ELK3: variants seen among roughly 807,000 people sequenced by gnomAD.
ELK3 encodes the protein ETS transcription factor ELK3, also known as ETS domain-containing protein Elk-3.
Under a neutral mutation model 28.9 loss-of-function variants are expected in ELK3, and 10 were observed. The observed-to-expected ratio is 0.35, with a 90% CI of 0.21 to 0.59. ELK3 has a LOEUF of 0.59. Among genes scored for constraint, ELK3 ranks in the 20% least tolerant of loss-of-function variants. ELK3 has a pLI of 0.82. For synonymous variants in ELK3, 272 were observed against 243.5 expected (o/e 1.12, Z -1.09); for missense variants, 463 against 517.3 (o/e 0.90, Z 1.02).
rs1951565149 is a variant in ELK3, at chr12:96,209,930, T to TC, written c.-2-13633dup. Among the ~76,000 whole-genome samples the TC allele has an allele frequency of 5.3e-5, 8 of 152,122 alleles. No homozygotes were observed. The South Asian group carries it at 1.7e-3, about 32-fold the overall frequency. On this transcript the variant is annotated intron_variant, in intron 1 of 4. Coordinates refer to ENST00000228741, the MANE Select transcript of ELK3 (RefSeq NM_005230.4). Reference sequence around the variant, plus strand: ...GACTTTTTCTCCTTTTTTTTTTTTTTCCTACATTTGACCAAGGCACAGAAG... The same window carrying TC: ...GACTTTTTCTCCTTTTTTTTTTTTTTCCCTACATTTGACCAAGGCACAGAAG...
intron 2 of ELK3, among the ~76,000 whole-genome samples, chr12:96,244,588 T>C (rs1014848905): frequency 6.6e-6 from 1 of 152,182 alleles, no homozygotes; most frequent in Non-Finnish European, 1.5e-5. Context: ...TGTAATTATT[T>C]AGGCTCTAAA....
intron 2 of ELK3, among the ~76,000 whole-genome samples, chr12:96,243,728 C>T (rs909890299): frequency 3.3e-5 from 5 of 152,030 alleles, no homozygotes; most frequent in Admixed American, 6.5e-5. Context: ...CCTGTAGTCC[C>T]AGCTACTCAG....
At chr12:96,234,768 C>T (rs1565785567) in intron 2 of ELK3, among the ~76,000 whole-genome samples, 2 of 152,146 alleles carry the variant, frequency 1.3e-5, no homozygotes, top group Admixed American at 6.5e-5. Flanking sequence ...GTGTAAGTCA[C>T]GGACTCAAGA....
chr12:96,250,708 T>C (rs1001716808), intron 3 of ELK3, among the ~76,000 whole-genome samples: 1 of 152,200 alleles, frequency 6.6e-6, no homozygotes, highest in Non-Finnish European at 1.5e-5. Context: ...ACAGAAACTC[T>C]CCTTTTCTCT....
chr12:96,216,040 C>A (rs1216864779), intron 1 of ELK3, among the ~76,000 whole-genome samples: 1 of 152,186 alleles, frequency 6.6e-6, no homozygotes, highest in Non-Finnish European at 1.5e-5. Flanking sequence ...CCCCTCTGTG[C>A]CAGAGGTCAA....
At chr12:96,213,161 T>G (rs919983203) in intron 1 of ELK3, among the ~76,000 whole-genome samples, 3 of 152,224 alleles carry the variant, frequency 2.0e-5, no homozygotes, top group African/African-American at 7.2e-5. Context: ...AAAACATATA[T>G]AAGCCTTTGG....
At chr12:96,237,351 G>A (rs1385462254) in intron 2 of ELK3, among the ~76,000 whole-genome samples, 2 of 152,190 alleles carry the variant, frequency 1.3e-5, no homozygotes, top group East Asian at 1.9e-4. Context: ...TGAGAGGATC[G>A]TTTGAGCCCG....
In ELK3 at chr12:96,268,330, AT is replaced by A. The variant is rs764889905; in HGVS notation, c.*1151del. ...AAACTGAGAGAGGATACACTGCTTTATGTATTACTAAAGTTAGGGGAGAATG... is the reference window on the plus strand; with the variant it reads ...AAACTGAGAGAGGATACACTGCTTTAGTATTACTAAAGTTAGGGGAGAATG... On this transcript the variant is annotated 3_prime_UTR_variant, in exon 5 of 5. Transcript: ENST00000228741. 1.1e-4 allele frequency: 16 copies of A among 152,240 alleles called. No homozygotes were observed. Among genetic ancestry groups the A allele is most frequent in the Non-Finnish European group, 2.2e-4 (15 of 68,042 alleles). 9.4% of individuals were successfully genotyped at this position (152,240 alleles called of 1,614,324 possible).
chr12:96,222,437 T>C (rs1402796437), intron 1 of ELK3, among the ~76,000 whole-genome samples: 1 of 152,232 alleles, frequency 6.6e-6, no homozygotes, highest in Admixed American at 6.5e-5. Flanking sequence ...GAGAAATTGC[T>C]TTTCCCATCT....
At chr12:96,214,800 G>T (rs1951599367) in intron 1 of ELK3, among the ~76,000 whole-genome samples, 1 of 151,922 alleles carries the variant, frequency 6.6e-6, no homozygotes, top group Non-Finnish European at 1.5e-5. Context: ...AGTTATTGCA[G>T]ATCCCTAATA....
chr12:96,199,619 C>G (rs1565775562), intron 1 of ELK3, among the ~76,000 whole-genome samples: 1 of 151,814 alleles, frequency 6.6e-6, no homozygotes, highest in Non-Finnish European at 1.5e-5. Context: ...TGCCTGAAAC[C>G]AAAATAAAAA....
intron 1 of ELK3, among the ~76,000 whole-genome samples, chr12:96,197,570 A>G (rs950480831): frequency 3.9e-5 from 6 of 152,170 alleles, no homozygotes; most frequent in African/African-American, 1.4e-4. Flanking sequence ...GCAATAATAG[A>G]GTGACATACG....
chr12:96,217,893 G>A lies in ELK3; in HGVS notation c.-2-5672G>A, dbSNP rs537536269. On this transcript the variant is annotated intron_variant, in intron 1 of 4. Coordinates refer to ENST00000228741, the MANE Select transcript of ELK3 (RefSeq NM_005230.4). ...GCAGAGGTTGCAGTGAGCCGAGATC[G>A]CACCACTGCACTCCAGCCTGAGGGA... Among the ~76,000 whole-genome samples, 543 of 134,570 alleles carry A rather than the reference G, an allele frequency of 4.0e-3. 6 individuals are homozygous for A. The highest frequency in any genetic ancestry group is 0.014 in the African/African-American group (499 of 34,564). 88.3% of individuals were successfully genotyped at this position (134,570 alleles called of 152,430 possible). A position where few individuals can be genotyped will look rare whatever the true frequency, so the allele number is the denominator to read the frequency against.
intron 2 of ELK3, among the ~76,000 whole-genome samples, chr12:96,229,991 C>A (rs547763023): frequency 6.6e-6 from 1 of 152,248 alleles, no homozygotes; most frequent in East Asian, 1.9e-4. Flanking sequence ...TGGGGAAGGA[C>A]AAAATTCACT....
chr12:96,243,716 C>T (rs930056035), intron 2 of ELK3, among the ~76,000 whole-genome samples: 5 of 152,064 alleles, frequency 3.3e-5, no homozygotes, highest in East Asian at 3.9e-4. Flanking sequence ...TGGTGGCGGG[C>T]GCCTGTAGTC....
intron 1 of ELK3, among the ~76,000 whole-genome samples, chr12:96,199,551 A>G (rs925606774): frequency 6.6e-6 from 1 of 151,778 alleles, no homozygotes; most frequent in Non-Finnish European, 1.5e-5. Context: ...CAAAAATGGT[A>G]GATTACTCAG....
At chr12:96,219,805 G>C (rs1000475529) in intron 1 of ELK3, among the ~76,000 whole-genome samples, 3 of 152,200 alleles carry the variant, frequency 2.0e-5, no homozygotes, top group Non-Finnish European at 1.5e-5. Context: ...TTAGCTCTGA[G>C]TAATGTCTGG....
chr12:96,259,907 T>G, intron 4 of ELK3, 54 bp downstream of exon 4: 1 of 1,526,936 alleles, frequency 6.5e-7, no homozygotes, highest in Non-Finnish European at 8.8e-7. Context: ...GATGGTTTTT[T>G]CTCTAAATCC....
At chr12:96,255,019 G>A (rs899744856) in intron 3 of ELK3, among the ~76,000 whole-genome samples, 13 of 152,166 alleles carry the variant, frequency 8.5e-5, no homozygotes, top group African/African-American at 2.9e-4. Flanking sequence ...CCCTGCTGGC[G>A]AGATTGGGAA....
Sources: gnomAD v4.1 joint callset for allele counts (sites outside exome capture counted in the v4.1 genomes callset) on GRCh38, gnomAD v4.1.1 for gene constraint, MANE v1.5 for transcripts, NCBI Gene and HGNC (gene_info 2026-07-23, HGNC 2026-07-21) for gene names.